APBA1: variants seen among roughly 807,000 people sequenced by gnomAD.
The protein encoded by APBA1 is amyloid beta precursor protein binding family A member 1.
Under a neutral mutation model 86.6 loss-of-function variants are expected in APBA1, and 55 were observed. The observed-to-expected ratio is 0.64, with a 90% CI of 0.51 to 0.80. The LOEUF is 0.80. Among genes scored for constraint, APBA1 ranks in the 30% least tolerant of loss-of-function variants. The pLI, the probability that APBA1 is intolerant of heterozygous loss-of-function variation, is 0.00. For synonymous variants in APBA1, 511 were observed against 493.9 expected (o/e 1.03, Z -0.46); for missense variants, 1,090 against 1,183.0 (o/e 0.92, Z 1.15).
At chr9:69,540,350 A>T (rs1836585705) in intron 1 of APBA1, among the ~76,000 whole-genome samples, 1 of 152,106 alleles carries the variant, frequency 6.6e-6, no homozygotes, top group Non-Finnish European at 1.5e-5. Flanking sequence ...AGTGCTCAGT[A>T]CATTTTTTTT....
At chr9:69,554,580 A>G (rs889617878) in intron 1 of APBA1, among the ~76,000 whole-genome samples, 2 of 152,196 alleles carry the variant, frequency 1.3e-5, no homozygotes, top group African/African-American at 4.8e-5. Context: ...CCAGCGGCAC[A>G]CAAGGAGCTT....
At chr9:69,481,876 T>C (rs1165006790) in intron 2 of APBA1, among the ~76,000 whole-genome samples, 1 of 152,036 alleles carries the variant, frequency 6.6e-6, no homozygotes, top group Non-Finnish European at 1.5e-5. Flanking sequence ...GGGGAAAGGA[T>C]TCCCTATTTA....
intron 8 of APBA1, among the ~76,000 whole-genome samples, chr9:69,454,829 A>G (rs570196576): frequency 6.7e-6 from 1 of 150,270 alleles, no homozygotes; most frequent in Admixed American, 6.6e-5. Flanking sequence ...TAAAAGTCCA[A>G]ATTTTCACTC....
intron 1 of APBA1, among the ~76,000 whole-genome samples, chr9:69,563,189 CAT>C (rs1836973723): frequency 6.6e-6 from 1 of 152,132 alleles, no homozygotes; most frequent in Non-Finnish European, 1.5e-5. Context: ...AAATCTGAAT[CAT>C]ATATTTTCAC....
intron 11 of APBA1, among the ~76,000 whole-genome samples, chr9:69,440,084 G>C (rs1834786204): frequency 6.6e-6 from 1 of 152,212 alleles, no homozygotes; most frequent in Non-Finnish European, 1.5e-5. Context: ...AGCAGCAGTG[G>C]CTGCAGAACA....
chr9:69,442,983 G>A (rs1458740806), intron 10 of APBA1, among the ~76,000 whole-genome samples: 1 of 152,166 alleles, frequency 6.6e-6, no homozygotes, highest in Non-Finnish European at 1.5e-5. Context: ...AGTGCTTCTT[G>A]GAGTGGCAGA....
At chr9:69,592,622 T>C (rs1822152765) in intron 1 of APBA1, among the ~76,000 whole-genome samples, 1 of 152,012 alleles carries the variant, frequency 6.6e-6, no homozygotes, top group Non-Finnish European at 1.5e-5. Context: ...AAATAAATAG[T>C]GGTTTCTGAT....
chr9:69,602,054 T>A (rs1322925399), intron 1 of APBA1, among the ~76,000 whole-genome samples: 1 of 152,246 alleles, frequency 6.6e-6, no homozygotes, highest in Non-Finnish European at 1.5e-5. Flanking sequence ...TCAAAAGATA[T>A]ATTTTTTAAG....
At chr9:69,482,209 T>C (rs1450272386) in intron 2 of APBA1, among the ~76,000 whole-genome samples, 3 of 152,016 alleles carry the variant, frequency 2.0e-5, no homozygotes, top group African/African-American at 4.8e-5. Context: ...GAGAAAATTT[T>C]TGCAACCTAC....
At chr9:69,655,959 T>C (rs1823601417) in intron 1 of APBA1, among the ~76,000 whole-genome samples, 1 of 152,210 alleles carries the variant, frequency 6.6e-6, no homozygotes, top group Admixed American at 6.5e-5. Flanking sequence ...ACTACTCTGA[T>C]TTGATGATTA....
intron 1 of APBA1, among the ~76,000 whole-genome samples, chr9:69,569,057 G>A (rs557312738): frequency 1.7e-4 from 26 of 152,276 alleles, no homozygotes; most frequent in African/African-American, 6.3e-4. Context: ...AATGAATATT[G>A]AACAATTCCT....
At chr9:69,656,253 C>T (rs183988287) in intron 1 of APBA1, among the ~76,000 whole-genome samples, 34 of 152,298 alleles carry the variant, frequency 2.2e-4, no homozygotes, top group Non-Finnish European at 4.0e-4. Context: ...TGTTCTATGA[C>T]CCCACAATTC....
Position 69,593,372 on chromosome 9 carries a change from C to T in APBA1, c.-69-76093G>A, listed in dbSNP as rs2216523. Among the ~76,000 whole-genome samples the T allele has an allele frequency of 9.2e-3, 1,408 of 152,256 alleles. 25 individuals carry two copies. Among genetic ancestry groups the T allele is most frequent in the African/African-American group, 0.032 (1,326 of 41,534 alleles). ...ATCATGCATATATGATACGGGGTTG[C>T]TTTGACAGGAAAAAGGCAATGTGTC... is the stretch of plus-strand genomic sequence containing the variant. On this transcript the variant is annotated intron_variant, in intron 1 of 12. Transcript: ENST00000265381.
chr9:69,432,577 G>A lies in APBA1; in HGVS notation c.2401C>T (p.His801Tyr), dbSNP rs1156489487. 4.4e-6 allele frequency: 7 copies of A among 1,597,468 alleles called. No individual in the cohort carries two copies. The highest frequency in any genetic ancestry group is 6.0e-6 in the Non-Finnish European group (7 of 1,172,612). Residue 801 changes from histidine to tyrosine, a missense_variant, in exon 12 of 13, where the codon CAC (histidine) becomes TAC (tyrosine). This residue lies in a region of APBA1 where 119 missense variants were observed against 124.8 expected (regional missense o/e 0.95). Transcript: ENST00000265381. ...INGQSVVATP[H>Y]EKIVHILSNA... ...GAGAGAATGTGGACGATCTTCTCGT[G>A]GGGGGTGGCCACGACGCTCTGTCCA...
At chr9:69,591,299 C>G (rs1376529256) in intron 1 of APBA1, among the ~76,000 whole-genome samples, 1 of 152,162 alleles carries the variant, frequency 6.6e-6, no homozygotes, top group African/African-American at 2.4e-5. Flanking sequence ...AATCCACAAT[C>G]AATACAGAGC....
chr9:69,590,548 T>C (rs1466985112), intron 1 of APBA1, among the ~76,000 whole-genome samples: 3 of 152,186 alleles, frequency 2.0e-5, no homozygotes, highest in East Asian at 3.9e-4. Context: ...CTGAGAATAA[T>C]GCATTCACAT....
At chr9:69,521,560 G>T (rs4636268) in intron 1 of APBA1, among the ~76,000 whole-genome samples, 9,546 of 152,132 alleles carry the variant, frequency 0.063, 348 homozygotes, top group African/African-American at 0.095. Flanking sequence ...AGGGAAAAAA[G>T]GGCAGACAAT....
chr9:69,595,038 AAACT>A (rs1377909569), intron 1 of APBA1, among the ~76,000 whole-genome samples: 1 of 152,214 alleles, frequency 6.6e-6, no homozygotes, highest in Non-Finnish European at 1.5e-5. Flanking sequence ...CAATTCATAT[AAACT>A]ATTATAAATA....
intron 1 of APBA1, among the ~76,000 whole-genome samples, chr9:69,534,360 T>C (rs1208440472): frequency 1.3e-5 from 2 of 152,172 alleles, no homozygotes; most frequent in African/African-American, 2.4e-5. Flanking sequence ...TTCAAAGACA[T>C]AAAAGTGGAA....
Sources: allele counts gnomAD v4.1 joint callset (sites outside exome capture counted in the v4.1 genomes callset), GRCh38; gene constraint gnomAD v4.1.1; regional missense constraint gnomAD v4.1.1; transcripts MANE v1.5; gene names NCBI Gene and HGNC (gene_info 2026-07-23, HGNC 2026-07-21).